POMGNT1: variants seen among roughly 807,000 people sequenced by gnomAD.
The protein encoded by POMGNT1 is protein O-linked-mannose beta-1,2-N-acetylglucosaminyltransferase 1.
POMGNT1 carries 67 observed loss-of-function variants against 95.6 expected under a neutral mutation model. That is an observed-to-expected ratio of 0.70 (90% confidence interval 0.58 to 0.86). The LOEUF (loss-of-function observed/expected upper bound fraction) is 0.86. Among genes scored for constraint, POMGNT1 ranks in the 40% least tolerant of loss-of-function variants. The pLI is 0.00. For synonymous variants in POMGNT1, 298 were observed against 317.9 expected (o/e 0.94, Z 0.66); for missense variants, 719 against 855.2 (o/e 0.84, Z 1.99).
chr1:46,195,565 C>G, intron 6 of POMGNT1: 1 of 562,788 alleles, frequency 1.8e-6, no homozygotes, highest in East Asian at 3.3e-5. Flanking sequence ...AATATAAGCT[C>G]CATGAGGGTG....
At chr1:46,219,931 T>C (rs1215560110) in exon 1 of POMGNT1, 1 of 1,614,254 alleles carries the variant, frequency 6.2e-7, no homozygotes, top group Admixed American at 1.7e-5. Context: ...AGTGTCTCTA[T>C]TGGCAGCTTC....
At position 46,196,013 on chromosome 1, in the gene POMGNT1, G is replaced by A. The variant is rs766157232; in HGVS notation, c.419C>T (p.Thr140Met). 1.2e-5 allele frequency: 20 copies of A among 1,613,934 alleles called. No individual in the cohort carries two copies. Among genetic ancestry groups the A allele is most frequent in the South Asian group, 4.4e-5 (4 of 91,078 alleles). ...GIHVIVLNQA[T>M]GHVMAKRVFD... ...GGTCACCCACCCCTAGAAACTCACC[G>A]TGGCCTGGTTGAGGACAATGACATG... The change falls in exon 5 of 22, where the codon ACG (threonine) becomes ATG (methionine). Residue 140 changes from threonine (T) to methionine (M), a missense_variant and splice_region_variant. Thr to Met is a moderately conservative substitution (Grantham distance 81). Around this residue, in one of 5 missense-constraint regions of POMGNT1, gnomAD observed 466 missense variants for 517.4 expected, o/e 0.90. Transcript: ENST00000371984. The surrounding 1 kb of genome is among the most constrained non-coding windows in gnomAD (Gnocchi z 4.4).
rs1298417014 is a variant in POMGNT1, at chr1:46,192,078, G to C, written c.1539+20C>G. 6.2e-7 allele frequency: 1 copy of C among 1,609,950 alleles called. No individual in the cohort carries two copies. Among genetic ancestry groups the C allele is most frequent in the Admixed American group, 1.7e-5 (1 of 59,938 alleles). On this transcript the variant is annotated intron_variant, in intron 17 of 21. Coordinates refer to ENST00000371984, the MANE Select transcript of POMGNT1 (RefSeq NM_017739.4). ...TGACTGTCATGCCACACTGTGCCCTGCTCCCTGCCTCCCACTCACGTGAAA... is the reference window on the plus strand; with the variant it reads ...TGACTGTCATGCCACACTGTGCCCTCCTCCCTGCCTCCCACTCACGTGAAA...
At chr1:46,219,712 C>G in exon 1 of POMGNT1, 1 of 1,592,626 alleles carries the variant, frequency 6.3e-7, no homozygotes, top group African/African-American at 1.3e-5. Context: ...TACCTGCGAG[C>G]CATCGATGTG....
chr1:46,205,947 G>A (rs187990015), intron 1 of POMGNT1, among the ~76,000 whole-genome samples: 2 of 152,210 alleles, frequency 1.3e-5, no homozygotes, highest in African/African-American at 4.8e-5. Context: ...TTGCACAAAG[G>A]GGGAAGGCCT....
chr1:46,216,048 T>C (rs1659056111), intron 1 of POMGNT1, among the ~76,000 whole-genome samples: 1 of 132,842 alleles, frequency 7.5e-6, no homozygotes, highest in African/African-American at 2.8e-5. Context: ...TTTATCTTTT[T>C]TTTTTTTTTT....
intron 1 of POMGNT1, among the ~76,000 whole-genome samples, chr1:46,208,642 A>C (rs2148240685): frequency 6.6e-6 from 1 of 152,248 alleles, no homozygotes; most frequent in Non-Finnish European, 1.5e-5. Flanking sequence ...CAGGAGTTCG[A>C]GACCAGCCTG....
At position 46,196,158 on chromosome 1, in the gene POMGNT1, G is replaced by C; in HGVS notation, c.355-81C>G. On this transcript the variant is annotated intron_variant, in intron 4 of 21. Transcript: ENST00000371984. The surrounding 1 kb of genome is among the most constrained non-coding windows in gnomAD (Gnocchi z 4.4). Reference sequence around the variant, plus strand: ...TGTCTTAGGGGTACTTAAAACACCAGCTGCTTGAAACATCACCTCCTGCCT... The same window carrying C: ...TGTCTTAGGGGTACTTAAAACACCACCTGCTTGAAACATCACCTCCTGCCT... The C allele has an allele frequency of 6.2e-7, 1 of 1,605,306 alleles. No homozygotes were observed. The highest frequency in any genetic ancestry group is 8.5e-7 in the Non-Finnish European group (1 of 1,177,606).
intron 14 of POMGNT1, 149 bp from the exon 15 acceptor site, chr1:46,192,739 C>T (rs1457841638): frequency 1.3e-6 from 2 of 1,594,572 alleles, no homozygotes; most frequent in Non-Finnish European, 1.7e-6. Context: ...CATTCATCCA[C>T]TGTACCTTCA....
At chr1:46,201,091 A>G (rs1044567842), upstream of POMGNT1, among the ~76,000 whole-genome samples, 3 of 152,168 alleles carry the variant, frequency 2.0e-5, no homozygotes, top group African/African-American at 7.2e-5. Flanking sequence ...AGATGGTGCC[A>G]CTGCACTCCA....
At chr1:46,209,194 T>C (rs1479396545) in intron 1 of POMGNT1, among the ~76,000 whole-genome samples, 2 of 152,158 alleles carry the variant, frequency 1.3e-5, no homozygotes, top group Admixed American at 1.3e-4. Context: ...CCAGCTAATT[T>C]TGTATTTTTC....
At chr1:46,192,830 C>T (rs1330685005) in intron 14 of POMGNT1, 70 bp downstream of exon 14, 37 of 1,605,260 alleles carry the variant, frequency 2.3e-5, no homozygotes, top group Non-Finnish European at 3.1e-5. Flanking sequence ...AGAAAGCTCT[C>T]TAGGACACCT....
intron 1 of POMGNT1, among the ~76,000 whole-genome samples, chr1:46,207,372 G>A (rs932384145): frequency 1.1e-4 from 17 of 147,912 alleles, no homozygotes; most frequent in African/African-American, 3.0e-4. Flanking sequence ...GAGCCACTGC[G>A]CCCATCCTAG....
intron 1 of POMGNT1, among the ~76,000 whole-genome samples, chr1:46,212,354 C>T (rs1280350532): frequency 1.3e-5 from 2 of 151,256 alleles, no homozygotes; most frequent in Non-Finnish European, 2.9e-5. Context: ...GATCTCAGCT[C>T]ACTGCAAGCT....
chr1:46,193,609 C>G lies in POMGNT1; in HGVS notation c.981G>C (p.Gly327=), dbSNP rs1281332311. The change falls in exon 11 of 22, where the codon GGG becomes GGC. Residue 327 remains glycine, a synonymous_variant. Coordinates refer to ENST00000371984, the MANE Select transcript of POMGNT1 (RefSeq NM_017739.4). ...RMLRSLLSAQ[G]VSPQMITVFI... ...AAACTGTTATCATCTGAGGAGACAC[C>G]CCCTGGGCTGAAAGCAGAGAGCGCA... 1 of 1,614,054 alleles carries G rather than the reference C, an allele frequency of 6.2e-7. No individual in the cohort carries two copies. Among genetic ancestry groups the G allele is most frequent in the Admixed American group, 1.7e-5 (1 of 60,010 alleles).
intron 1 of POMGNT1, among the ~76,000 whole-genome samples, chr1:46,218,305 G>A (rs1192605528): frequency 1.3e-5 from 2 of 152,338 alleles, no homozygotes; most frequent in East Asian, 3.9e-4. Context: ...AGAATCGCTT[G>A]AGACCAGGAG....
intron 17 of POMGNT1, chr1:46,191,612 G>A (rs190030038): frequency 4.9e-4 from 112 of 228,976 alleles, no homozygotes; most frequent in African/African-American, 1.9e-3. Context: ...TCAAAATATC[G>A]TAACCCAGTG....
At chr1:46,215,621 G>A (rs888579876) in intron 1 of POMGNT1, among the ~76,000 whole-genome samples, 3 of 152,228 alleles carry the variant, frequency 2.0e-5, no homozygotes. Context: ...CATGGAGGCT[G>A]GGTGCCATGG....
At chr1:46,191,902 G>C in intron 17 of POMGNT1, 196 bp downstream of exon 17, 1 of 792,834 alleles carries the variant, frequency 1.3e-6, no homozygotes, top group Non-Finnish European at 1.9e-6. Flanking sequence ...CCAAAGTGCT[G>C]GGATTACAGG....
Sources: allele counts gnomAD v4.1 joint callset (sites outside exome capture counted in the v4.1 genomes callset), GRCh38; gene constraint gnomAD v4.1.1; regional missense constraint gnomAD v4.1.1; non-coding constraint Gnocchi (gnomAD v3.1); transcripts MANE v1.5; gene names NCBI Gene and HGNC (gene_info 2026-07-23, HGNC 2026-07-21).